The following OCA2 variants were observed in gnomAD, a reference collection of about 807,000 sequenced individuals.
OCA2 encodes OCA2 melanosomal transmembrane protein.
In OCA2, 77 loss-of-function variants were observed where a neutral mutation model predicts 100.2. The ratio of observed to expected loss-of-function variants is 0.77; its 90% CI spans 0.64 to 0.93. The LOEUF is 0.93. Among genes scored for constraint, OCA2 ranks in the 40% least tolerant of loss-of-function variants. OCA2 has a pLI of 0.00. For synonymous variants in OCA2, 432 were observed against 439.2 expected (o/e 0.98, Z 0.21); for missense variants, 1,062 against 1,089.1 (o/e 0.98, Z 0.35).
chr15:28,027,698 G>C (rs991305696), intron 4 of OCA2, among the ~76,000 whole-genome samples, 173 bp downstream of exon 4: 3 of 152,188 alleles, frequency 2.0e-5, no homozygotes, highest in African/African-American at 7.2e-5. Context: ...GGTCTTAAAT[G>C]TCTCCCTAGG....
intron 19 of OCA2, among the ~76,000 whole-genome samples, chr15:27,880,533 T>C (rs1488736674): frequency 1.3e-5 from 2 of 152,216 alleles, no homozygotes; most frequent in African/African-American, 2.4e-5. Flanking sequence ...TTGTTTTCCT[T>C]GAGCAGTGAA....
chr15:28,016,654 T>C (rs1483860368), intron 7 of OCA2, among the ~76,000 whole-genome samples: 1 of 152,014 alleles, frequency 6.6e-6, no homozygotes, highest in Non-Finnish European at 1.5e-5. Context: ...TGGTGGCATG[T>C]GCTTGTGGTC....
chr15:27,870,291 G>T (rs1249326749), intron 21 of OCA2, among the ~76,000 whole-genome samples: 3 of 152,248 alleles, frequency 2.0e-5, no homozygotes, highest in Non-Finnish European at 4.4e-5. Flanking sequence ...CCTGTGTCCT[G>T]CCATGGGGAG....
chr15:27,831,756 G>A (rs2034967357), intron 23 of OCA2, among the ~76,000 whole-genome samples: 1 of 152,186 alleles, frequency 6.6e-6, no homozygotes, highest in Admixed American at 6.5e-5. Context: ...AGCACAGCCT[G>A]GCTCCTGTTG....
At position 27,990,661 on chromosome 15, in the gene OCA2, C is replaced by G; in HGVS notation, c.1045-14G>C. ...TCTGTGCACGATCTGGAAAGAAGCA[C>G]AGGAAATTACCGCGTTCCAGTGCAC... On this transcript the variant is annotated splice_polypyrimidine_tract_variant and intron_variant, in intron 9 of 23. Coordinates refer to ENST00000354638, the MANE Select transcript of OCA2 (RefSeq NM_000275.3). 1 of 1,613,162 alleles carries G rather than the reference C, an allele frequency of 6.2e-7. No individual in the cohort carries two copies. Among genetic ancestry groups the G allele is most frequent in the Non-Finnish European group, 8.5e-7 (1 of 1,179,364 alleles).
chr15:27,754,650 A>T (rs2150968436), downstream of OCA2, among the ~76,000 whole-genome samples: 1 of 152,314 alleles, frequency 6.6e-6, no homozygotes. Context: ...AGCAGGACTG[A>T]GGGTATCGAG....
the OCA2 span, among the ~76,000 whole-genome samples, chr15:27,719,645 T>G: frequency 6.6e-6 from 1 of 152,228 alleles, no homozygotes; most frequent in Non-Finnish European, 1.5e-5. Flanking sequence ...ATCATTCTAT[T>G]GCTTGGTATT....
At chr15:27,978,339 T>A (rs1467329179) in intron 14 of OCA2, among the ~76,000 whole-genome samples, 1 of 152,184 alleles carries the variant, frequency 6.6e-6, no homozygotes, top group Non-Finnish European at 1.5e-5. Context: ...GTTTTCTATA[T>A]CCTTGTAGAT....
chr15:28,070,300 G>A (rs1490961351), intron 2 of OCA2, among the ~76,000 whole-genome samples: 1,508 of 144,212 alleles, frequency 0.01, 12 homozygotes, highest in South Asian at 0.021. Context: ...CACCCCGTCC[G>A]GGAGGGAGGT....
intron 23 of OCA2, among the ~76,000 whole-genome samples, chr15:27,762,055 T>A (rs184388112): frequency 1.1e-4 from 16 of 152,312 alleles, no homozygotes; most frequent in Admixed American, 1.3e-4. Flanking sequence ...TTCTTTATAT[T>A]TGTATAAATG....
intron 23 of OCA2, among the ~76,000 whole-genome samples, chr15:27,765,512 G>A (rs1176096711): frequency 6.6e-6 from 1 of 152,172 alleles, no homozygotes; most frequent in South Asian, 2.1e-4. Context: ...TGAGGCTCCA[G>A]AGGAAGGTTT....
intron 7 of OCA2, 124 bp from the exon 8 acceptor site, chr15:28,016,310 C>G: frequency 2.5e-6 from 2 of 791,354 alleles, no homozygotes; most frequent in Non-Finnish European, 4.4e-6. Context: ...AACAGGAGAG[C>G]ATCTTTATTT....
intron 23 of OCA2, among the ~76,000 whole-genome samples, chr15:27,806,343 A>T (rs2033846228): frequency 6.6e-6 from 1 of 152,246 alleles, no homozygotes; most frequent in Non-Finnish European, 1.5e-5. Flanking sequence ...GGTTTGCGCC[A>T]TGGTTCACAG....
At chr15:28,065,471 G>C (rs1053992920) in intron 2 of OCA2, among the ~76,000 whole-genome samples, 3 of 152,054 alleles carry the variant, frequency 2.0e-5, no homozygotes, top group African/African-American at 7.2e-5. Context: ...TTCTGAGTTA[G>C]GCAAAACAGA....
chr15:27,973,364 G>A (rs2040867163), intron 14 of OCA2, among the ~76,000 whole-genome samples: 1 of 152,140 alleles, frequency 6.6e-6, no homozygotes, highest in African/African-American at 2.4e-5. Flanking sequence ...TGTATATCGT[G>A]AGAGATAGGG....
At chr15:27,856,135 G>A (rs886348572) in intron 21 of OCA2, among the ~76,000 whole-genome samples, 7 of 152,092 alleles carry the variant, frequency 4.6e-5, no homozygotes, top group South Asian at 2.1e-4. Flanking sequence ...AGCCTTCCCC[G>A]TGCCTGTGTG....
At chr15:28,096,941 C>G (rs1280447244) in intron 1 of OCA2, among the ~76,000 whole-genome samples, 2 of 152,066 alleles carry the variant, frequency 1.3e-5, no homozygotes, top group South Asian at 2.1e-4. Flanking sequence ...CGCCCAGCCC[C>G]GCTCCCAGCC....
intron 19 of OCA2, among the ~76,000 whole-genome samples, chr15:27,887,289 G>A (rs575539392): frequency 6.6e-6 from 1 of 151,940 alleles, no homozygotes; most frequent in Admixed American, 6.5e-5. Context: ...CAGCACAGCT[G>A]CAGGGAGTAT....
intron 19 of OCA2, among the ~76,000 whole-genome samples, chr15:27,906,888 G>A (rs2140228119): frequency 6.6e-6 from 1 of 152,252 alleles, no homozygotes; most frequent in South Asian, 2.1e-4. Flanking sequence ...CCCACTTGTT[G>A]GGGAAGGTAA....
Sources: gnomAD v4.1 joint callset for allele counts (sites outside exome capture counted in the v4.1 genomes callset) on GRCh38, gnomAD v4.1.1 for gene constraint, MANE v1.5 for transcripts, NCBI Gene and HGNC (gene_info 2026-07-23, HGNC 2026-07-21) for gene names.